The following ADCY9 variants were observed in gnomAD, a reference collection of about 807,000 sequenced individuals.
The protein encoded by ADCY9 is adenylate cyclase 9.
ADCY9 carries 50 observed loss-of-function variants against 101.5 expected under a neutral mutation model. The observed-to-expected ratio is 0.49, with a 90% CI of 0.39 to 0.62. The LOEUF is 0.62. Ranked by LOEUF, ADCY9 falls within the 20% of genes least tolerant of loss-of-function variation. ADCY9 has a pLI of 0.00. For missense variants in ADCY9, 1,662 were observed against 1,800.4 expected (o/e 0.92, Z 1.39); for synonymous variants, 905 against 769.3 (o/e 1.18, Z -2.92).
intron 2 of ADCY9, among the ~76,000 whole-genome samples, chr16:4,048,728 T>C (rs982098041): frequency 6.6e-6 from 1 of 152,120 alleles, no homozygotes; most frequent in African/African-American, 2.4e-5. Flanking sequence ...ATAAGCTCAG[T>C]GTCTCACACA....
In ADCY9 at chr16:3,963,309, G is replaced by C. The variant is rs2055955636; in HGVS notation, c.*2466C>G. The C allele has an allele frequency of 2.5e-6, 1 of 398,752 alleles. No homozygotes were observed. Among genetic ancestry groups the C allele is most frequent in the Non-Finnish European group, 4.4e-6 (1 of 226,000 alleles). 24.7% of individuals were successfully genotyped at this position (398,752 alleles called of 1,614,324 possible). A position where few individuals can be genotyped will look rare whatever the true frequency, so the allele number is the denominator to read the frequency against. On this transcript the variant is annotated 3_prime_UTR_variant, in exon 11 of 11. Transcript: ENST00000294016. ...CATGCCGTCAGCAGCCCTCGTGCCAGCTGCTTAGAAACTCGTGTCTCCAGC... is the reference window on the plus strand; with the variant it reads ...CATGCCGTCAGCAGCCCTCGTGCCACCTGCTTAGAAACTCGTGTCTCCAGC...
intron 2 of ADCY9, among the ~76,000 whole-genome samples, chr16:4,095,129 G>A (rs1012084934): frequency 6.6e-6 from 1 of 151,420 alleles, no homozygotes; most frequent in African/African-American, 2.4e-5. Context: ...CAGCCTCTGA[G>A]TAACTGGGAT....
chr16:4,042,058 G>C (rs187881056), intron 2 of ADCY9, among the ~76,000 whole-genome samples: 35 of 151,670 alleles, frequency 2.3e-4, no homozygotes, highest in Admixed American at 2.2e-3. Flanking sequence ...TGAGTAGCTG[G>C]GACTACAGGC....
chr16:4,098,803 T>C (rs1055539606), intron 2 of ADCY9, among the ~76,000 whole-genome samples: 1 of 152,114 alleles, frequency 6.6e-6, no homozygotes, highest in African/African-American at 2.4e-5. Context: ...TTTCCTAGAG[T>C]TGGGCCTTCT....
chr16:4,025,658 C>A (rs916012259), intron 2 of ADCY9, among the ~76,000 whole-genome samples: 2 of 152,178 alleles, frequency 1.3e-5, no homozygotes, highest in Non-Finnish European at 2.9e-5. Flanking sequence ...GGTCCTGTGC[C>A]ATGTCCTGCA....
Position 4,114,311 on chromosome 16 carries a change from C to T in ADCY9, c.1132G>A (p.Ala378Thr). ...TTAAAAGGGCGGAAGGCTATAGGAG[C>T]TTTTTGGATGGAAGACTTTTTCTTC... ...NRKKKSSIQK[A>T]PIAFRPFKMQ... is the part of the protein sequence containing the mutation. The change falls in exon 2 of 11, where the codon GCT (alanine) becomes ACT (threonine). Residue 378 changes from alanine to threonine, a missense_variant. Physicochemically the swap from Ala to Thr is moderately conservative, Grantham distance 58. Coordinates refer to ENST00000294016, the MANE Select transcript of ADCY9 (RefSeq NM_001116.4). This position sits in a 1 kb window ranked among gnomAD's most constrained non-coding sequence, Gnocchi z 4.3. 6.2e-7 allele frequency: 1 copy of T among 1,613,956 alleles called. No homozygotes were observed. The highest frequency in any genetic ancestry group is 1.3e-5 in the African/African-American group (1 of 75,052).
chr16:4,024,612 G>A (rs2056501717), intron 2 of ADCY9, among the ~76,000 whole-genome samples: 3 of 152,030 alleles, frequency 2.0e-5, no homozygotes, highest in Admixed American at 6.6e-5. Flanking sequence ...GAATGGCTCC[G>A]GAGGTGTCAG....
intron 10 of ADCY9, among the ~76,000 whole-genome samples, chr16:3,970,578 T>C (rs56079845): frequency 0.011 from 1,719 of 152,318 alleles, 25 homozygotes; most frequent in African/African-American, 0.039. Context: ...TCCACCCGCC[T>C]TGGCCTCCCA....
Position 4,115,539 on chromosome 16 carries a change from A to AG in ADCY9, c.-43-55dup. The AG allele has an allele frequency of 7.1e-7, 1 of 1,408,360 alleles. No individual in the cohort carries two copies. The highest frequency in any genetic ancestry group is 9.4e-7 in the Non-Finnish European group (1 of 1,069,448). 87.2% of individuals were successfully genotyped at this position (1,408,360 alleles called of 1,614,324 possible). ...CGCTCCCACCTAGGCATGCACGCCT[A>AG]GAGGCCCGGGACCTGCTCCTGTCCT... On this transcript the variant is annotated intron_variant, in intron 1 of 10. Coordinates refer to ENST00000294016, the MANE Select transcript of ADCY9 (RefSeq NM_001116.4). The surrounding 1 kb of genome is among the most constrained non-coding windows in gnomAD (Gnocchi z 6.2).
Position 3,992,384 on chromosome 16 carries a change from C to A in ADCY9, c.1990-21G>T. The A allele has an allele frequency of 6.2e-7, 1 of 1,609,916 alleles. No individual in the cohort carries two copies. Among genetic ancestry groups the A allele is most frequent in the Non-Finnish European group, 8.5e-7 (1 of 1,177,086 alleles). ...GAAGCCTGCCTCGAGACAAAGAGGA[C>A]GCAGACACGGGAAGTGAAGTGGCAC... On this transcript the variant is annotated intron_variant, in intron 4 of 10. Transcript: ENST00000294016. The surrounding 1 kb of genome is among the most constrained non-coding windows in gnomAD (Gnocchi z 4.2).
chr16:4,071,434 TA>T (rs1356904083), intron 2 of ADCY9, among the ~76,000 whole-genome samples: 2 of 150,140 alleles, frequency 1.3e-5, no homozygotes, highest in East Asian at 3.9e-4. Context: ...AAATTCCTTA[TA>T]AAGGTTCCTG....
intron 2 of ADCY9, among the ~76,000 whole-genome samples, chr16:4,058,622 G>A (rs995180753): frequency 6.6e-6 from 1 of 152,166 alleles, no homozygotes; most frequent in Admixed American, 6.5e-5. Flanking sequence ...GGAAGTGACT[G>A]ATCCACTACT....
At chr16:4,027,795 T>C (rs1407822112) in intron 2 of ADCY9, among the ~76,000 whole-genome samples, 1 of 151,224 alleles carries the variant, frequency 6.6e-6, no homozygotes, top group East Asian at 1.9e-4. Flanking sequence ...GAGAATCGCT[T>C]GAACCCAGGA....
chr16:3,957,864 T>G (rs1352590779), downstream of ADCY9, among the ~76,000 whole-genome samples: 3 of 152,226 alleles, frequency 2.0e-5, no homozygotes, highest in Non-Finnish European at 4.4e-5. Context: ...GATCCTGTTT[T>G]GCGTTATCCC....
chr16:4,021,807 C>T (rs1316252264), intron 2 of ADCY9, among the ~76,000 whole-genome samples: 1 of 152,188 alleles, frequency 6.6e-6, no homozygotes, highest in Non-Finnish European at 1.5e-5. Context: ...GCACCAGACT[C>T]CACTTCATCA....
chr16:4,065,405 A>C (rs2056794996), intron 2 of ADCY9, among the ~76,000 whole-genome samples: 1 of 152,188 alleles, frequency 6.6e-6, no homozygotes, highest in Non-Finnish European at 1.5e-5. Context: ...TATTTTCCCT[A>C]ATGGAATAAT....
intron 2 of ADCY9, among the ~76,000 whole-genome samples, chr16:4,027,653 T>C (rs112814893): frequency 6.6e-6 from 1 of 152,002 alleles, no homozygotes; most frequent in African/African-American, 2.4e-5. Flanking sequence ...GAGGTGGGCA[T>C]ATCACCTGAG....
intron 2 of ADCY9, among the ~76,000 whole-genome samples, chr16:4,037,864 G>T (rs2056599831): frequency 6.6e-6 from 1 of 152,194 alleles, no homozygotes; most frequent in South Asian, 2.1e-4. Context: ...CTATCAGCTG[G>T]TACTAGAAAA....
chr16:4,090,119 G>T (rs1176302109), intron 2 of ADCY9, among the ~76,000 whole-genome samples: 1 of 152,054 alleles, frequency 6.6e-6, no homozygotes, highest in East Asian at 1.9e-4. Flanking sequence ...TCATACAAAT[G>T]TGTGCCGAGC....
Sources: allele counts gnomAD v4.1 joint callset (sites outside exome capture counted in the v4.1 genomes callset), GRCh38; gene constraint gnomAD v4.1.1; non-coding constraint Gnocchi (gnomAD v3.1); transcripts MANE v1.5; gene names NCBI Gene and HGNC (gene_info 2026-07-23, HGNC 2026-07-21).